The following EYS variants were observed in gnomAD, a reference collection of about 807,000 sequenced individuals.
The protein encoded by EYS is EGF-like photoreceptor maintenance factor.
In EYS, 250 loss-of-function variants were observed where a neutral mutation model predicts 282.1. The observed-to-expected ratio is 0.89, with a 90% confidence interval of 0.80 to 0.98. The LOEUF is 0.98. Ranked by LOEUF, EYS falls within the 50% of genes least tolerant of loss-of-function variation. The probability of loss-of-function intolerance (pLI) is 0.00; values close to 1 mark genes in which losing one functional copy is unlikely to be tolerated. For synonymous variants in EYS, 1,355 were observed against 1,282.9 expected, an observed-to-expected ratio of 1.06 and a Z score of -1.20; for missense variants, 4,016 against 3,709.0, an observed-to-expected ratio of 1.08 and a Z score of -2.15.
chr6:64,038,824 A>G (rs1770247219), intron 33 of EYS, among the ~76,000 whole-genome samples: 1 of 148,060 alleles, frequency 6.8e-6, no homozygotes, highest in African/African-American at 2.5e-5. Context: ...TTTTTTCTTG[A>G]GACGGAGTCT....
chr6:65,249,447 T>C (rs1767262360), intron 12 of EYS, among the ~76,000 whole-genome samples: 1 of 151,968 alleles, frequency 6.6e-6, no homozygotes, highest in Admixed American at 6.6e-5. Context: ...CAGTATTTCA[T>C]GCAAGGTCAC....
intron 31 of EYS, among the ~76,000 whole-genome samples, chr6:64,226,947 T>C (rs1159979689): frequency 6.6e-6 from 1 of 152,086 alleles, no homozygotes; most frequent in Non-Finnish European, 1.5e-5. Context: ...CTGTGTAACA[T>C]GAAAGTTGTT....
At chr6:64,534,771 C>G (rs1038821685) in intron 26 of EYS, among the ~76,000 whole-genome samples, 1 of 151,856 alleles carries the variant, frequency 6.6e-6, no homozygotes, top group African/African-American at 2.4e-5. Context: ...CTTAATTCAA[C>G]ACATTCTGAG....
intron 28 of EYS, among the ~76,000 whole-genome samples, chr6:64,426,712 G>C (rs2150456475): frequency 6.6e-6 from 1 of 152,196 alleles, no homozygotes; most frequent in East Asian, 1.9e-4. Flanking sequence ...CCTCCCAGTA[G>C]CAAGAGGGAT....
At chr6:63,884,556 T>A (rs6905057) in intron 35 of EYS, among the ~76,000 whole-genome samples, 55,512 of 151,958 alleles carry the variant, frequency 0.37, 10,608 homozygotes, top group South Asian at 0.47. Flanking sequence ...TGTATGTATG[T>A]TATCTTTTAT....
chr6:65,261,603 TATAG>T (rs1022126061), intron 12 of EYS, among the ~76,000 whole-genome samples: 9 of 152,092 alleles, frequency 5.9e-5, no homozygotes, highest in Admixed American at 6.6e-5. Flanking sequence ...AGCAACTATG[TATAG>T]ATAAAAAATA....
intron 26 of EYS, among the ~76,000 whole-genome samples, chr6:64,532,704 G>A (rs1004432756): frequency 1.3e-5 from 2 of 151,910 alleles, no homozygotes; most frequent in Non-Finnish European, 2.9e-5. Context: ...GTGAGACTCC[G>A]TCTCAAAAAT....
intron 2 of EYS, among the ~76,000 whole-genome samples, chr6:65,587,832 T>C (rs1037357455): frequency 5.9e-5 from 9 of 152,062 alleles, no homozygotes; most frequent in African/African-American, 1.9e-4. Context: ...TAAATTTGTG[T>C]GAGATATAAC....
intron 12 of EYS, among the ~76,000 whole-genome samples, chr6:65,257,862 A>G (rs1159271904): frequency 6.6e-6 from 1 of 152,036 alleles, no homozygotes; most frequent in Non-Finnish European, 1.5e-5. Flanking sequence ...GTTGCAGGGA[A>G]GGAGAAAAGT....
At chr6:64,127,781 TAG>T (rs1773832990) in intron 31 of EYS, among the ~76,000 whole-genome samples, 2 of 152,120 alleles carry the variant, frequency 1.3e-5, no homozygotes, top group Non-Finnish European at 2.9e-5. Flanking sequence ...ATCAGATTCA[TAG>T]AGTTTTGAAA....
At position 63,762,572 on chromosome 6, in the gene EYS, G is replaced by C; in HGVS notation, c.7960C>G (p.Pro2654Ala). ...FCTETVSTCD[P>A]EHDPPHHCSR... is the part of the protein sequence containing the mutation. ...CAGTGGTGTGGAGGGTCATGTTCAGGATCACAGGTAGAAACTGTCTCTGTG... is the reference window on the plus strand; with the variant it reads ...CAGTGGTGTGGAGGGTCATGTTCAGCATCACAGGTAGAAACTGTCTCTGTG... Residue 2654 changes from proline (P) to alanine (A), a missense_variant, in exon 41 of 43, where the codon CCT (proline) becomes GCT (alanine). Coordinates refer to ENST00000503581, the MANE Select transcript of EYS (RefSeq NM_001142800.2). The C allele has an allele frequency of 6.4e-7, 1 of 1,550,420 alleles. No individual in the cohort carries two copies. Among genetic ancestry groups the C allele is most frequent in the Non-Finnish European group, 8.7e-7 (1 of 1,146,122 alleles).
At chr6:64,398,306 GA>G (rs1453645857) in intron 28 of EYS, among the ~76,000 whole-genome samples, 1 of 151,860 alleles carries the variant, frequency 6.6e-6, no homozygotes, top group Non-Finnish European at 1.5e-5. Context: ...CTTTCAGTAA[GA>G]AACTTGAACA....
intron 5 of EYS, among the ~76,000 whole-genome samples, chr6:65,466,041 A>G (rs185185177): frequency 2.0e-5 from 3 of 152,272 alleles, no homozygotes; most frequent in African/African-American, 7.2e-5. Flanking sequence ...TTTGAGAAAG[A>G]AGAAATGTTA....
chr6:64,050,149 A>G (rs563689658), intron 33 of EYS, among the ~76,000 whole-genome samples: 1 of 152,262 alleles, frequency 6.6e-6, no homozygotes, highest in South Asian at 2.1e-4. Flanking sequence ...AGATATATTT[A>G]TGTTCATATC....
At chr6:63,892,389 C>T (rs1773432312) in intron 35 of EYS, among the ~76,000 whole-genome samples, 1 of 152,070 alleles carries the variant, frequency 6.6e-6, no homozygotes, top group Admixed American at 6.6e-5. Flanking sequence ...CATACATAGA[C>T]CAATGGAACA....
intron 1 of EYS, among the ~76,000 whole-genome samples, chr6:65,671,456 A>C (rs1582586149): frequency 1.3e-5 from 2 of 151,910 alleles, no homozygotes; most frequent in Admixed American, 6.6e-5. Flanking sequence ...AACTTTGAAC[A>C]AAAAAAACTA....
At chr6:64,397,038 A>T (rs1238380405) in intron 28 of EYS, among the ~76,000 whole-genome samples, 1 of 151,976 alleles carries the variant, frequency 6.6e-6, no homozygotes, top group African/African-American at 2.4e-5. Flanking sequence ...AACGCCTTAT[A>T]ATTATTGATA....
intron 2 of EYS, among the ~76,000 whole-genome samples, chr6:65,592,885 T>C (rs1178875906): frequency 6.6e-6 from 1 of 152,014 alleles, no homozygotes; most frequent in Non-Finnish European, 1.5e-5. Context: ...GGCTTTATTC[T>C]TTTGTGATTC....
chr6:64,635,063 G>T (rs1202191266), intron 22 of EYS, among the ~76,000 whole-genome samples: 2 of 151,724 alleles, frequency 1.3e-5, no homozygotes, highest in Non-Finnish European at 2.9e-5. Flanking sequence ...GGATTCCTAG[G>T]TATTTTATTC....
Sources: gnomAD v4.1 joint callset for allele counts (sites outside exome capture counted in the v4.1 genomes callset) on GRCh38, gnomAD v4.1.1 for gene constraint, MANE v1.5 for transcripts, NCBI Gene and HGNC (gene_info 2026-07-23, HGNC 2026-07-21) for gene names.